The following DIP2C variants were observed in gnomAD, a reference collection of about 807,000 sequenced individuals.
DIP2C encodes DIP2 acetate--CoA ligase C (putative).
A neutral mutation model predicts 192.4 loss-of-function variants in DIP2C; 33 were observed. The observed-to-expected ratio is 0.17, with a 90% CI of 0.13 to 0.23. The LOEUF (loss-of-function observed/expected upper bound fraction) is 0.23. DIP2C is among the 10% of genes least tolerant of loss of function. The pLI is 1.00. For synonymous variants in DIP2C, 979 were observed against 864.1 expected (o/e 1.13, Z -2.33); for missense variants, 1,537 against 2,110.1 (o/e 0.73, Z 5.32).
intron 1 of DIP2C, among the ~76,000 whole-genome samples, chr10:555,047 A>C (rs1393573948): frequency 6.6e-6 from 1 of 152,168 alleles, no homozygotes; most frequent in Non-Finnish European, 1.5e-5. Flanking sequence ...TAATTTTTTC[A>C]TTTAAAAAAA....
At position 361,854 on chromosome 10, in the gene DIP2C, G is replaced by A. The variant is rs367581253; in HGVS notation, c.2794+636C>T. 1.7e-4 allele frequency among the ~76,000 whole-genome samples: 26 copies of A among 152,196 alleles called. No individual in the cohort carries two copies. In the East Asian group the frequency reaches 2.3e-3, roughly 14 times the overall value. On this transcript the variant is annotated intron_variant, in intron 22 of 36. Coordinates refer to ENST00000280886, the MANE Select transcript of DIP2C (RefSeq NM_014974.3). ...TGAGCGGCTCCCAACAGAAGGCCAC[G>A]CACCCACAGAATGTGGTGAAATGGA... is the stretch of plus-strand genomic sequence containing the variant.
chr10:445,943 C>T (rs112952127), intron 3 of DIP2C, among the ~76,000 whole-genome samples: 6 of 151,482 alleles, frequency 4.0e-5, no homozygotes, highest in Middle Eastern at 3.2e-3. Context: ...GCCCACTGGG[C>T]GTCTGTATAC....
chr10:385,207 G>C (rs898886062), intron 14 of DIP2C, among the ~76,000 whole-genome samples: 1 of 151,708 alleles, frequency 6.6e-6, no homozygotes, highest in Non-Finnish European at 1.5e-5. Context: ...GCACAGGCCT[G>C]GAGGAGGAGC....
intron 3 of DIP2C, among the ~76,000 whole-genome samples, chr10:454,846 G>A (rs7090704): frequency 0.98 from 148,760 of 152,274 alleles, 72,758 homozygotes; most frequent in Middle Eastern, 1. Context: ...ATACAAATGC[G>A]CCCTTTATGC....
chr10:627,834 C>T (rs1039242065), intron 1 of DIP2C, among the ~76,000 whole-genome samples: 2 of 152,248 alleles, frequency 1.3e-5, no homozygotes, highest in South Asian at 2.1e-4. Context: ...CCGTGGTACA[C>T]GTGAAGACGT....
At chr10:338,333 C>T (rs928090885) in intron 29 of DIP2C, among the ~76,000 whole-genome samples, 5 of 152,122 alleles carry the variant, frequency 3.3e-5, no homozygotes, top group Non-Finnish European at 7.3e-5. Context: ...GTCCTGGCCT[C>T]ACGTTCAGGT....
At chr10:623,245 G>A (rs1389156194) in intron 1 of DIP2C, among the ~76,000 whole-genome samples, 1 of 151,426 alleles carries the variant, frequency 6.6e-6, no homozygotes. Flanking sequence ...TGGCGAGGGA[G>A]GTCACAGGAA....
chr10:414,886 GTGTGTA>G (rs1167619507), intron 7 of DIP2C, among the ~76,000 whole-genome samples: 4,217 of 60,994 alleles, frequency 0.069, 276 homozygotes, highest in African/African-American at 0.18. Context: ...GTGTGTGTGT[GTGTGTA>G]TATATATATA....
chr10:356,323 A>G, intron 24 of DIP2C, 103 bp downstream of exon 24: 1 of 1,304,696 alleles, frequency 7.7e-7, no homozygotes, highest in Admixed American at 1.7e-5. Flanking sequence ...AATTCCCATA[A>G]GACTGAAGCA....
At chr10:476,283 G>A (rs555809042) in intron 2 of DIP2C, among the ~76,000 whole-genome samples, 99 of 152,296 alleles carry the variant, frequency 6.5e-4, no homozygotes, top group African/African-American at 2.1e-3. Context: ...CATTGGCCAC[G>A]TGAGGCACCA....
intron 4 of DIP2C, among the ~76,000 whole-genome samples, chr10:427,041 TCTAG>T (rs1229680804): frequency 2.0e-5 from 3 of 152,376 alleles, no homozygotes; most frequent in East Asian, 3.9e-4. Flanking sequence ...ATTATCTGCC[TCTAG>T]CTAATGTAAT....
intron 3 of DIP2C, among the ~76,000 whole-genome samples, chr10:459,430 G>A (rs1226591689): frequency 6.6e-6 from 1 of 152,220 alleles, no homozygotes; most frequent in Non-Finnish European, 1.5e-5. Context: ...GTCAGATGCT[G>A]ATCCCTGAGA....
Position 636,275 on chromosome 10 carries a change from G to C in DIP2C, c.85+53219C>G, listed in dbSNP as rs1419963819. On this transcript the variant is annotated intron_variant, in intron 1 of 36. Transcript: ENST00000280886. This position sits in a 1 kb window ranked among gnomAD's most constrained non-coding sequence, Gnocchi z 4.6. ...TGACTCACTTCCATACCAATTTCCA[G>C]ATGTATTTTTACTTTCCCACATTTT... Among the ~76,000 whole-genome samples, 2 of 152,100 alleles carry C rather than the reference G, an allele frequency of 1.3e-5. No homozygotes were observed.
chr10:471,448 A>G lies in DIP2C; in HGVS notation c.268+991T>C, dbSNP rs975932260. On this transcript the variant is annotated intron_variant, in intron 3 of 36. Transcript: ENST00000280886. ...CGAGACTCACAGGCTTTCCTCGAACACCAGGTGAGTTCCGTCATCCCTTAG... is the reference window on the plus strand; with the variant it reads ...CGAGACTCACAGGCTTTCCTCGAACGCCAGGTGAGTTCCGTCATCCCTTAG... 2.6e-5 allele frequency among the ~76,000 whole-genome samples: 4 copies of G among 152,284 alleles called. No homozygotes were observed. The South Asian group carries it at 8.3e-4, about 32-fold the overall frequency.
At chr10:359,106 AG>A (rs1959194974) in intron 22 of DIP2C, among the ~76,000 whole-genome samples, 1 of 152,156 alleles carries the variant, frequency 6.6e-6, no homozygotes, top group Non-Finnish European at 1.5e-5. Context: ...GCCCAGATGC[AG>A]CTGACGGGGC....
chr10:461,568 C>G (rs1969780424), intron 3 of DIP2C, among the ~76,000 whole-genome samples: 1 of 152,182 alleles, frequency 6.6e-6, no homozygotes, highest in Non-Finnish European at 1.5e-5. Flanking sequence ...GAGACTTAGA[C>G]TCCCACACAG....
intron 1 of DIP2C, among the ~76,000 whole-genome samples, chr10:501,514 A>G (rs902248009): frequency 2.6e-5 from 4 of 152,142 alleles, no homozygotes; most frequent in Non-Finnish European, 1.5e-5. Flanking sequence ...CGTTGATACC[A>G]TATTACCCCA....
intron 4 of DIP2C, among the ~76,000 whole-genome samples, 171 bp downstream of exon 4, chr10:440,700 T>TA (rs1967655019): frequency 6.6e-6 from 1 of 152,248 alleles, no homozygotes; most frequent in Non-Finnish European, 1.5e-5. Flanking sequence ...ATAATAATGT[T>TA]ACTTTTCCTT....
chr10:546,502 T>C (rs1035153377), intron 1 of DIP2C, among the ~76,000 whole-genome samples: 2 of 152,216 alleles, frequency 1.3e-5, no homozygotes, highest in Admixed American at 1.3e-4. Context: ...TTGAAGTTTA[T>C]GAAAAATGTC....
Sources: gnomAD v4.1 joint callset for allele counts (sites outside exome capture counted in the v4.1 genomes callset) on GRCh38, gnomAD v4.1.1 for gene constraint, Gnocchi (gnomAD v3.1) non-coding constraint, MANE v1.5 for transcripts, NCBI Gene and HGNC (gene_info 2026-07-23, HGNC 2026-07-21) for gene names.